CCND3: variants seen among roughly 807,000 people sequenced by gnomAD.
CCND3 encodes the protein cyclin D3.
In CCND3, 9 loss-of-function variants were observed where a neutral mutation model predicts 28.7. That is an observed-to-expected ratio of 0.31 (90% CI 0.19 to 0.55). The LOEUF is 0.55. CCND3 is among the 20% of genes least tolerant of loss of function. The probability of loss-of-function intolerance (pLI) is 0.93; values close to 1 mark genes in which losing one functional copy is unlikely to be tolerated. For synonymous variants in CCND3, 164 were observed against 163.9 expected (o/e 1.00, Z 0.00); for missense variants, 315 against 385.8 (o/e 0.82, Z 1.54).
At chr6:42,007,874 A>G (rs1175557116) in intron 1 of CCND3, among the ~76,000 whole-genome samples, 1 of 152,098 alleles carries the variant, frequency 6.6e-6, no homozygotes, top group African/African-American at 2.4e-5. Context: ...TGGCTGTTGA[A>G]GAAGTGGAGA....
At chr6:41,982,896 AAAAAAAG>A (rs1167527245) in intron 1 of CCND3, among the ~76,000 whole-genome samples, 21 of 151,862 alleles carry the variant, frequency 1.4e-4, no homozygotes, top group Non-Finnish European at 2.6e-4. Context: ...AAAAAAAAAA[AAAAAAAG>A]AATCTAGATA....
At chr6:41,956,703 T>C (rs2127402131) in intron 1 of CCND3, among the ~76,000 whole-genome samples, 1 of 152,282 alleles carries the variant, frequency 6.6e-6, no homozygotes, top group South Asian at 2.1e-4. Flanking sequence ...TCTTGGATTC[T>C]GGCCCTTAAG....
intron 1 of CCND3, among the ~76,000 whole-genome samples, chr6:41,966,933 C>T (rs1363199667): frequency 1.3e-5 from 2 of 152,066 alleles, no homozygotes; most frequent in African/African-American, 2.4e-5. Flanking sequence ...CACAAGTTGA[C>T]GCAAGTCTCT....
intron 1 of CCND3, among the ~76,000 whole-genome samples, chr6:41,974,552 G>A (rs1249645709): frequency 6.6e-6 from 1 of 152,124 alleles, no homozygotes; most frequent in Non-Finnish European, 1.5e-5. Context: ...ACCCACAGCT[G>A]TCTGCAGAGG....
chr6:42,035,686 T>TC (rs1764183674), intron 1 of CCND3, among the ~76,000 whole-genome samples: 1 of 149,216 alleles, frequency 6.7e-6, no homozygotes, highest in Non-Finnish European at 1.5e-5. Flanking sequence ...TCTTTTCTTT[T>TC]TTTTTTTTTG....
chr6:41,977,933 T>C (rs1159965287), intron 1 of CCND3, among the ~76,000 whole-genome samples: 1 of 152,118 alleles, frequency 6.6e-6, no homozygotes, highest in African/African-American at 2.4e-5. Flanking sequence ...CACCAGCCTG[T>C]AGTCCCAGCT....
At chr6:41,947,722 G>A (rs1220503904) in intron 1 of CCND3, among the ~76,000 whole-genome samples, 1 of 151,894 alleles carries the variant, frequency 6.6e-6, no homozygotes, top group Non-Finnish European at 1.5e-5. Flanking sequence ...TTGATTCTAC[G>A]TCAAAAATAC....
intron 1 of CCND3, among the ~76,000 whole-genome samples, chr6:42,045,473 C>T (rs543129779): frequency 3.3e-5 from 5 of 152,266 alleles, no homozygotes; most frequent in East Asian, 3.9e-4. Context: ...GGACAGCTCC[C>T]GCAACACCAT....
intron 1 of CCND3, among the ~76,000 whole-genome samples, chr6:41,998,347 CA>C (rs1231456500): frequency 1.1e-4 from 8 of 70,892 alleles, no homozygotes; most frequent in Non-Finnish European, 1.6e-4. Context: ...TGACAATATC[CA>C]ATTTTTTTTT....
At chr6:41,949,893 GACCATCCTGGCTAAC>G (rs1312980008) in intron 1 of CCND3, among the ~76,000 whole-genome samples, 1 of 149,858 alleles carries the variant, frequency 6.7e-6, no homozygotes, top group Non-Finnish European at 1.5e-5. Flanking sequence ...AGGAGGTTGA[GACCATCCTGGCTAAC>G]ACGATGAAAC....
chr6:42,006,071 G>T (rs1299420711), intron 1 of CCND3, among the ~76,000 whole-genome samples: 7 of 151,918 alleles, frequency 4.6e-5, no homozygotes, highest in African/African-American at 1.7e-4. Flanking sequence ...GGAGGCTGAG[G>T]GGGTAGGATT....
intron 1 of CCND3, among the ~76,000 whole-genome samples, chr6:42,045,773 A>G (rs1764523570): frequency 6.6e-6 from 1 of 152,262 alleles, no homozygotes. Context: ...TCTACTGCTC[A>G]GCAGGGAAAG....
intron 1 of CCND3, among the ~76,000 whole-genome samples, chr6:41,992,934 A>T (rs573836190): frequency 6.6e-6 from 1 of 151,870 alleles, no homozygotes; most frequent in East Asian, 1.9e-4. Context: ...TTAAAGATGG[A>T]GTCTCACTCT....
At chr6:42,015,535 C>G (rs1034195958) in intron 1 of CCND3, among the ~76,000 whole-genome samples, 2 of 152,094 alleles carry the variant, frequency 1.3e-5, no homozygotes. Context: ...ACGGTGAAAT[C>G]TCGTCTCTAC....
At chr6:42,033,267 C>T (rs1169875280) in intron 1 of CCND3, among the ~76,000 whole-genome samples, 1 of 151,674 alleles carries the variant, frequency 6.6e-6, no homozygotes, top group African/African-American at 2.4e-5. Context: ...GCCTGGCCAA[C>T]ATGGTGAAAC....
intron 1 of CCND3, among the ~76,000 whole-genome samples, chr6:42,036,782 A>G (rs989560089): frequency 2.6e-5 from 4 of 152,094 alleles, no homozygotes; most frequent in Non-Finnish European, 5.9e-5. Flanking sequence ...ATTGCAACAG[A>G]TTAAATCAGA....
intron 1 of CCND3, among the ~76,000 whole-genome samples, chr6:41,963,074 C>T (rs1033955845): frequency 6.6e-6 from 1 of 152,156 alleles, no homozygotes; most frequent in Non-Finnish European, 1.5e-5. Context: ...TTAAAGGCTG[C>T]CATGACATGA....
At chr6:41,940,771 T>G in intron 1 of CCND3, 186 bp from the exon 2 acceptor site, 1 of 787,462 alleles carries the variant, frequency 1.3e-6, no homozygotes, top group South Asian at 1.5e-5. Flanking sequence ...CCACTTCCTC[T>G]GCGCGGCCTC....
intron 1 of CCND3, among the ~76,000 whole-genome samples, chr6:42,026,441 C>T (rs1477021531): frequency 6.6e-6 from 1 of 152,090 alleles, no homozygotes; most frequent in Admixed American, 6.5e-5. Context: ...GGGAGGGAGT[C>T]CAGCGTGAGG....
Sources: allele counts gnomAD v4.1 joint callset (sites outside exome capture counted in the v4.1 genomes callset), GRCh38; gene constraint gnomAD v4.1.1; transcripts MANE v1.5; gene names NCBI Gene and HGNC (gene_info 2026-07-23, HGNC 2026-07-21).